The following ALDH16A1 variants were observed in gnomAD, a reference collection of about 807,000 sequenced individuals.
The protein encoded by ALDH16A1 is aldehyde dehydrogenase family 16 member A1.
A neutral mutation model predicts 96.1 loss-of-function variants in ALDH16A1; 88 were observed. The ratio of observed to expected loss-of-function variants is 0.92; its 90% CI spans 0.77 to 1.09. The LOEUF (loss-of-function observed/expected upper bound fraction) is 1.09. ALDH16A1 is among the 50% of genes least tolerant of loss of function. ALDH16A1 has a pLI of 0.00. For missense variants in ALDH16A1, 1,250 were observed against 1,112.6 expected (o/e 1.12, Z -1.76); for synonymous variants, 522 against 496.4 (o/e 1.05, Z -0.69).
intron 14 of ALDH16A1, among the ~76,000 whole-genome samples, chr19:49,466,907 C>T (rs2079203985): frequency 6.6e-6 from 1 of 152,014 alleles, no homozygotes; most frequent in East Asian, 1.9e-4. Context: ...CATGGTGGCT[C>T]ACGCCTGTAA....
intron 14 of ALDH16A1, among the ~76,000 whole-genome samples, chr19:49,467,748 G>A (rs117186632): frequency 0.082 from 12,492 of 151,752 alleles, 731 homozygotes; most frequent in Non-Finnish European, 0.12. Context: ...TGCAGAACGC[G>A]CAGGCTTGTT....
Position 49,453,275 on chromosome 19 carries a change from G to A in ALDH16A1, c.-57G>A. The A allele has an allele frequency of 6.9e-7, 1 of 1,458,552 alleles. No homozygotes were observed. The highest frequency in any genetic ancestry group is 9.2e-7 in the Non-Finnish European group (1 of 1,087,728). 90.4% of individuals were successfully genotyped at this position (1,458,552 alleles called of 1,614,324 possible). A position where few individuals can be genotyped will look rare whatever the true frequency, so the allele number is the denominator to read the frequency against. On this transcript the variant is annotated 5_prime_UTR_variant, in exon 1 of 17. Coordinates refer to ENST00000293350, the MANE Select transcript of ALDH16A1 (RefSeq NM_153329.4). ...GGAGGTGTCGCTCTTCGGACCTCAAGGTTCCCCTTAACACAGAGCGCCCCG... is the reference window on the plus strand; with the variant it reads ...GGAGGTGTCGCTCTTCGGACCTCAAAGTTCCCCTTAACACAGAGCGCCCCG...
Position 49,468,185 on chromosome 19 carries a change from T to C in ALDH16A1, c.1939-196T>C, listed in dbSNP as rs2079215018. The C allele has an allele frequency of 1.8e-6, 1 of 543,440 alleles. No individual in the cohort carries two copies. Among genetic ancestry groups the C allele is most frequent in the South Asian group, 2.6e-5 (1 of 39,148 alleles). 33.7% of individuals were successfully genotyped at this position (543,440 alleles called of 1,614,324 possible). ...AAAAAAAAAAAAAAAGAAAGGCGGT[T>C]ATGCAGGATGTTTCTCACCGCCCGA... On this transcript the variant is annotated intron_variant, in intron 14 of 16. Transcript: ENST00000293350. The surrounding 1 kb of genome is among the most constrained non-coding windows in gnomAD (Gnocchi z 4.4).
In ALDH16A1 at chr19:49,459,069, G is replaced by T; in HGVS notation, c.303G>T (p.Arg101=). The T allele has an allele frequency of 6.2e-7, 1 of 1,612,902 alleles. No homozygotes were observed. Among genetic ancestry groups the T allele is most frequent in the Non-Finnish European group, 8.5e-7 (1 of 1,179,888 alleles). Reference sequence around the variant, plus strand: ...GGAGTGCGCACCCCGGCGTCGTCCGGGCCCAGCACCTGACCAGGTGATGCA... The same window carrying T: ...GGAGTGCGCACCCCGGCGTCGTCCGTGCCCAGCACCTGACCAGGTGATGCA... The part of the protein sequence containing the change: ...KGWSAHPGVV[R]AQHLTRLAEV... Residue 101 remains arginine (R), a synonymous_variant, in exon 3 of 17, where the codon CGG becomes CGT. Transcript: ENST00000293350. The surrounding 1 kb of genome is among the most constrained non-coding windows in gnomAD (Gnocchi z 4.1).
At position 49,470,663 on chromosome 19, in the gene ALDH16A1, T is replaced by C. The variant is rs2079238781; in HGVS notation, c.*196T>C. 1.8e-6 allele frequency: 1 copy of C among 557,418 alleles called. No individual in the cohort carries two copies. The highest frequency in any genetic ancestry group is 2.8e-6 in the Non-Finnish European group (1 of 356,968). 34.5% of individuals were successfully genotyped at this position (557,418 alleles called of 1,614,324 possible). On this transcript the variant is annotated 3_prime_UTR_variant, in exon 17 of 17. Transcript: ENST00000293350. ...AGGCTTTTTTCTTTTTTTTTTTTTT[T>C]TTTGAGACAACGTCTGGCTCTGTCA... is the stretch of plus-strand genomic sequence containing the variant.
rs996201331 is a variant in ALDH16A1 at position 49,459,605 on chromosome 19, G to A, written c.321-65G>A. 193 of 1,500,854 alleles carry A rather than the reference G, an allele frequency of 1.3e-4. No individual in the cohort carries two copies. The highest frequency in any genetic ancestry group is 7.1e-4 in the South Asian group (52 of 73,244). 93.0% of individuals were successfully genotyped at this position (1,500,854 alleles called of 1,614,324 possible). ...GGGATTGTAGTCCAGGTATATAGGA[G>A]CAGCCCAGGACTCTGCAAGGCTGAG... On this transcript the variant is annotated intron_variant, in intron 3 of 16. Coordinates refer to ENST00000293350, the MANE Select transcript of ALDH16A1 (RefSeq NM_153329.4). This position sits in a 1 kb window ranked among gnomAD's most constrained non-coding sequence, Gnocchi z 4.1.
chr19:49,465,756 G>T lies in ALDH16A1; in HGVS notation c.1587G>T (p.Gly529=). 6.2e-7 allele frequency: 1 copy of T among 1,613,836 alleles called. No homozygotes were observed. The highest frequency in any genetic ancestry group is 8.5e-7 in the Non-Finnish European group (1 of 1,179,818). ...ACTCCAGCCCAGCACCCCCCTATGG[G>T]CTCTTCGTTGGGGGCCGTTTCCAGG... ...EIGPSPAPPY[G]LFVGGRFQAP... The change falls in exon 13 of 17, where the codon GGG becomes GGT. Residue 529 remains glycine (G), a synonymous_variant. Coordinates refer to ENST00000293350, the MANE Select transcript of ALDH16A1 (RefSeq NM_153329.4).
chr19:49,465,961 G>A (rs1450223313), intron 13 of ALDH16A1, 56 bp downstream of exon 13: 2 of 1,575,312 alleles, frequency 1.3e-6, no homozygotes, highest in Non-Finnish European at 1.7e-6. Flanking sequence ...AGGGGAGCCT[G>A]CCCACAGCAA....
chr19:49,455,154 A>T (rs7252519), intron 1 of ALDH16A1, among the ~76,000 whole-genome samples: 106,435 of 150,876 alleles, frequency 0.71, 38,109 homozygotes, highest in Middle Eastern at 0.83. Flanking sequence ...GCAGTGGTTC[A>T]CACCTGTAAT....
In ALDH16A1 at chr19:49,466,302, C is replaced by T; in HGVS notation, c.1938+19C>T. 7.0e-7 allele frequency: 1 copy of T among 1,428,936 alleles called. No homozygotes were observed. The highest frequency in any genetic ancestry group is 2.6e-5 in the East Asian group (1 of 39,154). 88.5% of individuals were successfully genotyped at this position (1,428,936 alleles called of 1,614,324 possible). A position where few individuals can be genotyped will look rare whatever the true frequency, so the allele number is the denominator to read the frequency against. ...CCTGCAGGTGAAGGGTCTGTGGGCACCTGGGCCAGCTGGGCAGGCGGGGTG... is the reference window on the plus strand; with the variant it reads ...CCTGCAGGTGAAGGGTCTGTGGGCATCTGGGCCAGCTGGGCAGGCGGGGTG... On this transcript the variant is annotated intron_variant, in intron 14 of 16. Coordinates refer to ENST00000293350, the MANE Select transcript of ALDH16A1 (RefSeq NM_153329.4).
chr19:49,468,651 T>A lies in ALDH16A1; in HGVS notation c.2124+85T>A. The A allele has an allele frequency of 6.6e-7, 1 of 1,518,878 alleles. No individual in the cohort carries two copies. The highest frequency in any genetic ancestry group is 8.9e-7 in the Non-Finnish European group (1 of 1,125,884). The allele number at this position is 1,518,878 out of a possible 1,614,324, so 94.1% of individuals were successfully genotyped here. On this transcript the variant is annotated intron_variant, in intron 15 of 16. Transcript: ENST00000293350. This position sits in a 1 kb window ranked among gnomAD's most constrained non-coding sequence, Gnocchi z 4.4. Reference sequence around the variant, plus strand: ...GCCCCAAAGTCGGCAGGAGCTTGTCTCTTACCCCACCCTCCGTGGTACCCA... The same window carrying A: ...GCCCCAAAGTCGGCAGGAGCTTGTCACTTACCCCACCCTCCGTGGTACCCA...
At position 49,463,924 on chromosome 19, in the gene ALDH16A1, C is replaced by G; in HGVS notation, c.1169C>G (p.Pro390Arg). ...CCAACCTTGGTCTCCAACCTGCCCC[C>G]AGCCTCCCCATGTGCCCAGGTGGAG... ...YPPTLVSNLPPASPCAQVEVP... is the reference protein window; with the variant it reads ...YPPTLVSNLPRASPCAQVEVP... The change falls in exon 9 of 17, where the codon CCA becomes CGA. Residue 390 changes from proline to arginine, a missense_variant. Transcript: ENST00000293350. 20 of 1,612,292 alleles carry G rather than the reference C, an allele frequency of 1.2e-5. No individual in the cohort carries two copies. Among genetic ancestry groups the G allele is most frequent in the Non-Finnish European group, 1.7e-5 (20 of 1,179,012 alleles).
At position 49,470,524 on chromosome 19, in the gene ALDH16A1, C is replaced by T. The variant is rs535802052; in HGVS notation, c.*57C>T. The T allele has an allele frequency of 1.0e-3, 1,439 of 1,442,596 alleles. 21 individuals are homozygous for T. The South Asian group carries it at 0.019, about 20-fold the overall frequency. The allele number at this position is 1,442,596 out of a possible 1,614,324, so 89.4% of individuals were successfully genotyped here. On this transcript the variant is annotated 3_prime_UTR_variant, in exon 17 of 17. Coordinates refer to ENST00000293350, the MANE Select transcript of ALDH16A1 (RefSeq NM_153329.4). ...CCTCACACCAAGGGGAGATGCACCC[C>T]ACAGACACCTGGGACTTTCCCCTTC...
In ALDH16A1 at chr19:49,455,597, GA is replaced by G. The variant is rs959447734; in HGVS notation, c.90+2185del. The stretch of plus-strand genomic sequence containing the variant: ...GACAGAATAAGACCCTGTCCCCCCT[GA>G]AAAAAAAAGAAGTTGAGGCCAGGCA... On this transcript the variant is annotated intron_variant, in intron 1 of 16. Transcript: ENST00000293350. Among the ~76,000 whole-genome samples, 304 of 148,992 alleles carry G rather than the reference GA, an allele frequency of 2.0e-3. 1 individual carries two copies. Among genetic ancestry groups the G allele is most frequent in the African/African-American group, 7.0e-3 (282 of 40,534 alleles).
At chr19:49,457,841 G>T (rs2079114136) in intron 1 of ALDH16A1, among the ~76,000 whole-genome samples, 1 of 151,936 alleles carries the variant, frequency 6.6e-6, no homozygotes, top group African/African-American at 2.4e-5. Flanking sequence ...GAATGCCTAG[G>T]CTCAGACCAC....
intron 2 of ALDH16A1, among the ~76,000 whole-genome samples, 172 bp downstream of exon 2, chr19:49,458,760 C>T (rs1369968995): frequency 2.0e-5 from 3 of 152,164 alleles, no homozygotes; most frequent in South Asian, 2.1e-4. Context: ...ATTATGGTTC[C>T]GGGTCTCTGT....
At chr19:49,465,537 G>A (rs893725010) in intron 12 of ALDH16A1, among the ~76,000 whole-genome samples, 58 of 151,388 alleles carry the variant, frequency 3.8e-4, no homozygotes, top group Middle Eastern at 3.2e-3. Flanking sequence ...TCCCCCAGAG[G>A]CTCATGGGAG....
At chr19:49,458,865 A>G in intron 2 of ALDH16A1, 95 bp from the exon 3 acceptor site, 1 of 1,492,580 alleles carries the variant, frequency 6.7e-7, no homozygotes, top group Non-Finnish European at 9.1e-7. Flanking sequence ...CCAGCTTTAC[A>G]CTCTTGGGCT....
At position 49,462,680 on chromosome 19, in the gene ALDH16A1, C is replaced by G; in HGVS notation, c.1023C>G (p.Asp341Glu). 6.2e-7 allele frequency: 1 copy of G among 1,609,100 alleles called. No individual in the cohort carries two copies. Among genetic ancestry groups the G allele is most frequent in the Non-Finnish European group, 8.5e-7 (1 of 1,178,882 alleles). The change falls in exon 8 of 17, where the codon GAC becomes GAG. Residue 341 changes from aspartate to glutamate, a missense_variant. Transcript: ENST00000293350. Reference protein sequence around the residue: ...RSGRGLDGAVDMGARGAAACD... With the variant: ...RSGRGLDGAVEMGARGAAACD... ...GCCGAGGGCTGGATGGGGCCGTGGA[C>G]ATGGGGGCCCGGGGGGCTGCCGCAT...
Sources: gnomAD v4.1 joint callset for allele counts (sites outside exome capture counted in the v4.1 genomes callset) on GRCh38, gnomAD v4.1.1 for gene constraint, Gnocchi (gnomAD v3.1) non-coding constraint, MANE v1.5 for transcripts, NCBI Gene and HGNC (gene_info 2026-07-23, HGNC 2026-07-21) for gene names.